The following PTPRD variants were observed in gnomAD, a reference collection of about 807,000 sequenced individuals.
PTPRD encodes protein tyrosine phosphatase receptor type D, also known as receptor-type tyrosine-protein phosphatase delta.
In PTPRD, 34 loss-of-function variants were observed where a neutral mutation model predicts 214.5. The ratio of observed to expected loss-of-function variants is 0.16; its 90% CI spans 0.12 to 0.21. The LOEUF (loss-of-function observed/expected upper bound fraction) is 0.21, where lower values mean the gene tolerates loss of function less well. Among genes scored for constraint, PTPRD ranks in the 10% least tolerant of loss-of-function variants. The pLI, the probability that PTPRD is intolerant of heterozygous loss-of-function variation, is 1.00. For missense variants in PTPRD, 2,545 were observed against 2,398.7 expected (o/e 1.06, Z -1.27); for synonymous variants, 1,128 against 845.7 (o/e 1.33, Z -5.79).
At chr9:8,769,310 G>C (rs2095015907) in intron 11 of PTPRD, among the ~76,000 whole-genome samples, 1 of 152,144 alleles carries the variant, frequency 6.6e-6, no homozygotes, top group Non-Finnish European at 1.5e-5. Context: ...CAACGCTACA[G>C]TTTTGTAAAC....
chr9:10,185,736 C>G (rs1340942255), intron 3 of PTPRD, among the ~76,000 whole-genome samples: 1 of 152,002 alleles, frequency 6.6e-6, no homozygotes, highest in African/African-American at 2.4e-5. Context: ...ACTGTAGAAC[C>G]AGCGGTTTTT....
intron 36 of PTPRD, among the ~76,000 whole-genome samples, chr9:8,396,087 T>A (rs376328714): frequency 8.3e-4 from 127 of 152,182 alleles, no homozygotes; most frequent in African/African-American, 3.0e-3. Context: ...GCATGAGACA[T>A]GACTACAGAA....
At chr9:8,447,736 C>T (rs867929743) in intron 34 of PTPRD, among the ~76,000 whole-genome samples, 1 of 152,126 alleles carries the variant, frequency 6.6e-6, no homozygotes, top group South Asian at 2.1e-4. Flanking sequence ...GGTACCCTTG[C>T]CTTTCTGCTC....
intron 36 of PTPRD, among the ~76,000 whole-genome samples, chr9:8,395,569 T>C (rs7854520): frequency 0.1 from 15,239 of 152,120 alleles, 1,575 homozygotes; most frequent in East Asian, 0.5. Context: ...ACACAGTCTA[T>C]TGTTTGCCAG....
At chr9:10,275,979 T>C (rs1291525038) in intron 3 of PTPRD, among the ~76,000 whole-genome samples, 1 of 152,178 alleles carries the variant, frequency 6.6e-6, no homozygotes, top group African/African-American at 2.4e-5. Context: ...CAGTGTTAAA[T>C]ACATTTATAA....
intron 11 of PTPRD, among the ~76,000 whole-genome samples, chr9:8,778,042 A>T (rs2095552299): frequency 6.6e-6 from 1 of 152,224 alleles, no homozygotes; most frequent in African/African-American, 2.4e-5. Flanking sequence ...AGCAGAAGTA[A>T]TTCAGATGTG....
intron 3 of PTPRD, among the ~76,000 whole-genome samples, chr9:10,034,295 G>A (rs1356956068): frequency 1.3e-5 from 2 of 151,546 alleles, no homozygotes; most frequent in Non-Finnish European, 2.9e-5. Flanking sequence ...TCTTTCTTAC[G>A]ATAATCTCTG....
intron 11 of PTPRD, among the ~76,000 whole-genome samples, chr9:8,761,185 G>C (rs2094392184): frequency 6.6e-6 from 1 of 152,040 alleles, no homozygotes; most frequent in African/African-American, 2.4e-5. Context: ...TACAAATAGA[G>C]GCAAATGTGG....
intron 9 of PTPRD, among the ~76,000 whole-genome samples, chr9:9,282,736 T>C (rs1948143246): frequency 6.6e-6 from 1 of 151,480 alleles, no homozygotes; most frequent in Non-Finnish European, 1.5e-5. Context: ...CCTTTAGAAA[T>C]AGCTGGAGGC....
chr9:9,124,626 C>A (rs1213540875), intron 10 of PTPRD, among the ~76,000 whole-genome samples: 1 of 152,154 alleles, frequency 6.6e-6, no homozygotes, highest in African/African-American at 2.4e-5. Context: ...CATACCAAAT[C>A]TGCTTCATTT....
rs1041049599 is a variant in PTPRD at position 10,354,529 on chromosome 9, G to C, written c.-599-13512C>G. On this transcript the variant is annotated intron_variant, in intron 2 of 45. Coordinates refer to ENST00000381196, the MANE Select transcript of PTPRD (RefSeq NM_002839.4). The stretch of plus-strand genomic sequence containing the variant: ...CACATTTGATTCCTACCTCATCGTA[G>C]TATTTGCCCCTAGAGATTTTCCTTA... 6.6e-5 allele frequency among the ~76,000 whole-genome samples: 10 copies of C among 152,048 alleles called. 1 individual carries two copies. Among genetic ancestry groups the C allele is most frequent in the African/African-American group, 2.4e-4 (10 of 41,388 alleles).
intron 8 of PTPRD, among the ~76,000 whole-genome samples, chr9:9,465,764 G>C (rs1342965132): frequency 1.3e-5 from 2 of 152,056 alleles, no homozygotes; most frequent in Non-Finnish European, 2.9e-5. Flanking sequence ...GCTGGTGACA[G>C]TATTGTTACA....
At chr9:9,198,323 T>G (rs2099939852) in intron 9 of PTPRD, among the ~76,000 whole-genome samples, 2 of 151,584 alleles carry the variant, frequency 1.3e-5, no homozygotes, top group Non-Finnish European at 2.9e-5. Context: ...TAAGTTTGGT[T>G]AATTTTTGTA....
chr9:10,335,394 A>G (rs1390459868), intron 3 of PTPRD, among the ~76,000 whole-genome samples: 2 of 151,794 alleles, frequency 1.3e-5, no homozygotes, highest in Admixed American at 6.6e-5. Context: ...ATGCAAAAAT[A>G]AATGAAAAAA....
chr9:9,611,295 T>G (rs180925268), intron 7 of PTPRD, among the ~76,000 whole-genome samples: 1 of 152,302 alleles, frequency 6.6e-6, no homozygotes, highest in Admixed American at 6.5e-5. Flanking sequence ...CGCAAATGAT[T>G]TAATATGTTT....
chr9:9,036,725 G>C (rs1174287639), intron 10 of PTPRD, among the ~76,000 whole-genome samples: 2 of 152,036 alleles, frequency 1.3e-5, no homozygotes, highest in Non-Finnish European at 2.9e-5. Flanking sequence ...ATAATATTAA[G>C]ATTATATTTA....
chr9:10,516,956 C>T (rs2757862), intron 2 of PTPRD, among the ~76,000 whole-genome samples: 38,870 of 151,694 alleles, frequency 0.26, 5,988 homozygotes, highest in Non-Finnish European at 0.35. Flanking sequence ...TTGTACCATA[C>T]TGTTTTAATT....
At chr9:10,536,736 A>T (rs988011088) in intron 2 of PTPRD, among the ~76,000 whole-genome samples, 1 of 152,112 alleles carries the variant, frequency 6.6e-6, no homozygotes, top group Non-Finnish European at 1.5e-5. Context: ...TGCAGAGAAT[A>T]AAAAACATAA....
At chr9:9,628,789 T>G (rs1466633780) in intron 7 of PTPRD, among the ~76,000 whole-genome samples, 1 of 152,012 alleles carries the variant, frequency 6.6e-6, no homozygotes, top group African/African-American at 2.4e-5. Context: ...TCTATACATT[T>G]TTATAGGAAT....
Sources: allele counts gnomAD v4.1 joint callset (sites outside exome capture counted in the v4.1 genomes callset), GRCh38; gene constraint gnomAD v4.1.1; transcripts MANE v1.5; gene names NCBI Gene and HGNC (gene_info 2026-07-23, HGNC 2026-07-21).